EML1: variants seen among roughly 807,000 people sequenced by gnomAD.
EML1 encodes echinoderm microtubule-associated protein-like 1.
In EML1, 27 loss-of-function variants were observed where a neutral mutation model predicts 110.4. The observed-to-expected ratio is 0.24, with a 90% CI of 0.18 to 0.34. EML1 has a LOEUF of 0.34. Among genes scored for constraint, EML1 ranks in the 10% least tolerant of loss-of-function variants. EML1 has a pLI of 1.00. For missense variants in EML1, 741 were observed against 1,030.9 expected (o/e 0.72, Z 3.85); for synonymous variants, 344 against 385.8 (o/e 0.89, Z 1.27).
intron 9 of EML1, among the ~76,000 whole-genome samples, chr14:99,902,953 G>T (rs184499862): frequency 6.6e-6 from 1 of 152,134 alleles, no homozygotes; most frequent in African/African-American, 2.4e-5. Context: ...TGCCATTCCT[G>T]TGAAAAAAAT....
chr14:99,907,685 G>A lies in EML1; in HGVS notation c.1056G>A (p.Val352=). 1 of 1,614,168 alleles carries A rather than the reference G, an allele frequency of 6.2e-7. No individual in the cohort carries two copies. Among genetic ancestry groups the A allele is most frequent in the South Asian group, 1.1e-5 (1 of 91,084 alleles). The change falls in exon 10 of 22, where the codon GTG becomes GTA. Residue 352 remains valine, a synonymous_variant. Coordinates refer to ENST00000262233, the MANE Select transcript of EML1 (RefSeq NM_004434.3). The stretch of plus-strand genomic sequence containing the variant: ...CTGTGGATGACTCCAACGACCATGT[G>A]CTCTCTGTATGGGACTGGCAGAAAG... ...LCAVDDSNDH[V]LSVWDWQKEE...
intron 1 of EML1, among the ~76,000 whole-genome samples, chr14:99,751,938 G>C (rs928218027): frequency 1.3e-4 from 20 of 152,116 alleles, no homozygotes; most frequent in Non-Finnish European, 2.6e-4. Context: ...CCTCACATCC[G>C]TTTTACGGGC....
intron 1 of EML1, among the ~76,000 whole-genome samples, chr14:99,740,045 C>T (rs2057024660): frequency 6.6e-6 from 1 of 152,166 alleles, no homozygotes; most frequent in Non-Finnish European, 1.5e-5. Flanking sequence ...TGTAACACAC[C>T]TAAAATAACG....
chr14:99,797,471 A>G lies in EML1; in HGVS notation c.67+3928A>G, dbSNP rs113134671. ...TTCTCTTGGGCAGATATCTAGGAGC[A>G]GAATTGCTAGGTCATATGGTAACTC... On this transcript the variant is annotated intron_variant, in intron 1 of 21. Coordinates refer to ENST00000262233, the MANE Select transcript of EML1 (RefSeq NM_004434.3). 3.5e-3 allele frequency among the ~76,000 whole-genome samples: 528 copies of G among 152,338 alleles called. 2 individuals carry two copies. Among genetic ancestry groups the G allele is most frequent in the African/African-American group, 0.011 (451 of 41,566 alleles).
intron 1 of EML1, among the ~76,000 whole-genome samples, chr14:99,815,139 C>CTTTT (rs57894783): frequency 9.3e-5 from 9 of 96,360 alleles, no homozygotes; most frequent in Non-Finnish European, 1.4e-4. Flanking sequence ...TGAGGCTTGG[C>CTTTT]TTTTTTTTTT....
chr14:99,902,442 A>C (rs1595457778), intron 9 of EML1, among the ~76,000 whole-genome samples: 1 of 152,186 alleles, frequency 6.6e-6, no homozygotes, highest in Admixed American at 6.5e-5. Flanking sequence ...AGCAGAAAAA[A>C]CTTAAAAACG....
intron 1 of EML1, among the ~76,000 whole-genome samples, chr14:99,801,671 C>A (rs566155495): frequency 6.6e-6 from 1 of 152,254 alleles, no homozygotes; most frequent in South Asian, 2.1e-4. Flanking sequence ...TACCCACTGC[C>A]CCATATCTCA....
chr14:99,851,539 C>A (rs2058802999), intron 2 of EML1, among the ~76,000 whole-genome samples: 1 of 152,046 alleles, frequency 6.6e-6, no homozygotes, highest in Non-Finnish European at 1.5e-5. Flanking sequence ...GATCTCCTGA[C>A]CTCGTGATCC....
At chr14:99,751,621 G>T (rs2057176486) in intron 1 of EML1, among the ~76,000 whole-genome samples, 1 of 152,124 alleles carries the variant, frequency 6.6e-6, no homozygotes, top group Non-Finnish European at 1.5e-5. Flanking sequence ...ATGGAGAGAG[G>T]CCTGGATACT....
intron 1 of EML1, among the ~76,000 whole-genome samples, chr14:99,763,394 A>G (rs1039586276): frequency 5.3e-5 from 8 of 152,140 alleles, no homozygotes; most frequent in Admixed American, 1.3e-4. Context: ...CACACCTACT[A>G]TATACGTGGA....
At position 99,940,074 on chromosome 14, in the gene EML1, G is replaced by A. The variant is rs748197062; in HGVS notation, c.2410G>A (p.Gly804Arg). 50 of 1,601,004 alleles carry A rather than the reference G, an allele frequency of 3.1e-5. No individual in the cohort carries two copies. In the Admixed American group the frequency reaches 5.0e-4, roughly 16 times the overall value. Residue 804 changes from glycine to arginine, a missense_variant, in exon 22 of 22, where the codon GGG becomes AGG. By Grantham distance (125) the Gly-to-Arg change is moderately radical. Coordinates refer to ENST00000262233, the MANE Select transcript of EML1 (RefSeq NM_004434.3). Reference protein sequence around the residue: ...CEDSHLISTGGKDTSIMQWRV... With the variant: ...CEDSHLISTGRKDTSIMQWRV... ...AGACAGCCACCTCATCTCCACGGGC[G>A]GGAAAGACACAAGCATCATGCAGTG...
chr14:99,847,407 G>A (rs911492245), intron 1 of EML1, among the ~76,000 whole-genome samples: 3 of 152,152 alleles, frequency 2.0e-5, no homozygotes, highest in Non-Finnish European at 4.4e-5. Context: ...CTGGAGTGCA[G>A]TGGCGTGATC....
chr14:99,914,826 T>C (rs2060006948), intron 15 of EML1, 129 bp downstream of exon 15: 2 of 1,266,576 alleles, frequency 1.6e-6, no homozygotes, highest in Non-Finnish European at 2.1e-6. Context: ...CTATTTAGAG[T>C]TGCCTTAACA....
chr14:99,770,209 G>C (rs932459027), upstream of EML1, among the ~76,000 whole-genome samples: 2 of 152,266 alleles, frequency 1.3e-5, no homozygotes, highest in Middle Eastern at 3.4e-3. Context: ...GACATTTATT[G>C]CTCACAGTTC....
At chr14:99,856,260 A>G (rs899780223) in intron 2 of EML1, among the ~76,000 whole-genome samples, 2 of 152,346 alleles carry the variant, frequency 1.3e-5, no homozygotes, top group African/African-American at 4.8e-5. Flanking sequence ...GCAGTATTCC[A>G]TAAGTTAGCA....
At chr14:99,812,020 G>A (rs2058088601) in intron 1 of EML1, among the ~76,000 whole-genome samples, 1 of 151,812 alleles carries the variant, frequency 6.6e-6, no homozygotes, top group African/African-American at 2.4e-5. Flanking sequence ...TCCTGTGTAA[G>A]TGGATCTGCG....
At chr14:99,801,343 C>T (rs1304423453) in intron 1 of EML1, among the ~76,000 whole-genome samples, 4 of 152,116 alleles carry the variant, frequency 2.6e-5, no homozygotes, top group South Asian at 4.1e-4. Context: ...TGGCCGGGCA[C>T]GGTGGCTCAT....
chr14:99,886,650 A>G (rs969520524), intron 4 of EML1, among the ~76,000 whole-genome samples: 7 of 152,156 alleles, frequency 4.6e-5, no homozygotes, highest in African/African-American at 1.7e-4. Context: ...TATTAGTTCC[A>G]CTCTGATCCT....
chr14:99,773,161 C>G (rs2057443832), exon 1 of EML1: 1 of 152,074 alleles, frequency 6.6e-6, no homozygotes, highest in Non-Finnish European at 1.5e-5. Flanking sequence ...CTTCCCCACA[C>G]ACCCCCGCGC....
Sources: allele counts gnomAD v4.1 joint callset (sites outside exome capture counted in the v4.1 genomes callset), GRCh38; gene constraint gnomAD v4.1.1; transcripts MANE v1.5; gene names NCBI Gene and HGNC (gene_info 2026-07-23, HGNC 2026-07-21).